The following THSD4 variants were observed in gnomAD, a reference collection of about 807,000 sequenced individuals.
The protein encoded by THSD4 is thrombospondin type 1 domain containing 4, also known as thrombospondin type-1 domain-containing protein 4.
In THSD4, 69 loss-of-function variants were observed where a neutral mutation model predicts 119.0. That is an observed-to-expected ratio of 0.58 (90% confidence interval 0.48 to 0.71). THSD4 has a LOEUF of 0.71. Among genes scored for constraint, THSD4 ranks in the 30% least tolerant of loss-of-function variants. THSD4 has a pLI of 0.00. For missense variants in THSD4, 1,393 were observed against 1,391.1 expected, an observed-to-expected ratio of 1.00 and a Z score of -0.02; for synonymous variants, 524 against 540.4, an observed-to-expected ratio of 0.97 and a Z score of 0.42.
chr15:71,213,709 A>G (rs4777343), intron 3 of THSD4, among the ~76,000 whole-genome samples: 150,810 of 152,284 alleles, frequency 0.99, 74,699 homozygotes, highest in East Asian at 1. Flanking sequence ...AAATGAGGGT[A>G]TAGATCACTC....
At chr15:71,405,068 T>C (rs2046587613) in intron 6 of THSD4, among the ~76,000 whole-genome samples, 1 of 152,132 alleles carries the variant, frequency 6.6e-6, no homozygotes, top group South Asian at 2.1e-4. Flanking sequence ...TTTGTATTTT[T>C]AGTAGAGATG....
chr15:71,209,108 G>A (rs1357567233), intron 3 of THSD4, among the ~76,000 whole-genome samples: 5 of 152,210 alleles, frequency 3.3e-5, no homozygotes, highest in East Asian at 1.9e-4. Context: ...CCAGTGAAGC[G>A]GAGAGAGCAC....
intron 3 of THSD4, among the ~76,000 whole-genome samples, chr15:71,158,664 T>G (rs1021093488): frequency 6.6e-5 from 10 of 151,994 alleles, no homozygotes; most frequent in Admixed American, 6.6e-5. Context: ...TTTTTTTTTT[T>G]GATGTTGAGT....
At chr15:71,301,053 A>C (rs2044941577) in intron 6 of THSD4, among the ~76,000 whole-genome samples, 1 of 152,168 alleles carries the variant, frequency 6.6e-6, no homozygotes. Flanking sequence ...GGACAAGGGA[A>C]ATTTCTCTGC....
In THSD4 at chr15:71,368,255, GTTTC is replaced by G. The variant is rs2045993733; in HGVS notation, c.1016-43428_1016-43425del. Among the ~76,000 whole-genome samples, 5 of 152,284 alleles carry G rather than the reference GTTTC, an allele frequency of 3.3e-5. No homozygotes were observed. In the South Asian group the frequency reaches 1.0e-3, roughly 32 times the overall value. On this transcript the variant is annotated intron_variant, in intron 6 of 17. Coordinates refer to ENST00000261862, the MANE Select transcript of THSD4 (RefSeq NM_024817.3). ...AGGTTGCCTGTTCACTCTGATGGTT[GTTTC>G]TTTTGCTGTGCAGAAGCTCTTTAGT...
chr15:71,204,724 C>T (rs2043830073), intron 3 of THSD4, among the ~76,000 whole-genome samples: 1 of 152,130 alleles, frequency 6.6e-6, no homozygotes, highest in Admixed American at 6.6e-5. Context: ...TTCTACATTT[C>T]CTGTTTGCTG....
At chr15:71,430,758 A>AG (rs1275443219) in intron 7 of THSD4, among the ~76,000 whole-genome samples, 14 of 90,468 alleles carry the variant, frequency 1.5e-4, no homozygotes, top group African/African-American at 5.7e-4. Flanking sequence ...CTCTGTCTCA[A>AG]GAAAAAAAAA....
intron 7 of THSD4, among the ~76,000 whole-genome samples, chr15:71,506,158 T>C (rs1042127128): frequency 2.0e-5 from 3 of 152,234 alleles, no homozygotes; most frequent in Non-Finnish European, 4.4e-5. Context: ...CTGCTGAGTT[T>C]ATGGCCATGT....
At chr15:71,650,478 G>A (rs932562335) in intron 7 of THSD4, among the ~76,000 whole-genome samples, 11 of 152,056 alleles carry the variant, frequency 7.2e-5, no homozygotes, top group African/African-American at 2.2e-4. Flanking sequence ...GTAACAGGGG[G>A]CCAGAGAAAA....
chr15:71,307,147 T>C (rs1236670290), intron 6 of THSD4, among the ~76,000 whole-genome samples: 1 of 152,208 alleles, frequency 6.6e-6, no homozygotes, highest in Non-Finnish European at 1.5e-5. Flanking sequence ...TCTTCTTGAC[T>C]GACACCCCAA....
intron 6 of THSD4, among the ~76,000 whole-genome samples, chr15:71,316,564 A>C (rs2140355694): frequency 1.3e-5 from 2 of 152,220 alleles, no homozygotes; most frequent in South Asian, 4.1e-4. Context: ...AATATACTAC[A>C]CACCAACCTA....
At chr15:71,762,198 C>A (rs978303806) in intron 15 of THSD4, among the ~76,000 whole-genome samples, 2 of 150,798 alleles carry the variant, frequency 1.3e-5, no homozygotes, top group Non-Finnish European at 2.9e-5. Context: ...GATACACACA[C>A]ATGAACACAT....
intron 11 of THSD4, among the ~76,000 whole-genome samples, chr15:71,742,520 A>G (rs968488608): frequency 1.3e-5 from 2 of 152,182 alleles, no homozygotes; most frequent in Non-Finnish European, 2.9e-5. Flanking sequence ...TCAACATGAC[A>G]TATTTCTATT....
chr15:71,379,325 AG>A (rs2046194588), intron 6 of THSD4, among the ~76,000 whole-genome samples: 1 of 151,906 alleles, frequency 6.6e-6, no homozygotes, highest in South Asian at 2.1e-4. Flanking sequence ...GTTTTCTTAT[AG>A]TCAGCTGTTG....
chr15:71,563,566 C>T (rs1400700145), intron 7 of THSD4, among the ~76,000 whole-genome samples: 2 of 152,066 alleles, frequency 1.3e-5, no homozygotes, highest in African/African-American at 4.8e-5. Flanking sequence ...CCAAATAACA[C>T]TTAATCATTT....
intron 7 of THSD4, among the ~76,000 whole-genome samples, chr15:71,549,187 T>G (rs567045431): frequency 6.6e-6 from 1 of 152,354 alleles, no homozygotes; most frequent in East Asian, 1.9e-4. Context: ...TTTTGTCTTA[T>G]GAGTTAAAAG....
Position 71,251,724 on chromosome 15 carries a change from G to A in THSD4, c.913-4889G>A, listed in dbSNP as rs144118112. Among the ~76,000 whole-genome samples the A allele has an allele frequency of 5.6e-3, 857 of 152,240 alleles. 3 individuals are homozygous for A. Among genetic ancestry groups the A allele is most frequent in the African/African-American group, 0.02 (819 of 41,542 alleles). On this transcript the variant is annotated intron_variant, in intron 5 of 17. Coordinates refer to ENST00000261862, the MANE Select transcript of THSD4 (RefSeq NM_024817.3). ...CGCTACATTGGAGATGATGCTGTCC[G>A]TCTCCTGGGGAGATGACAGTAATTA...
At chr15:71,502,308 T>C (rs140486456) in intron 7 of THSD4, among the ~76,000 whole-genome samples, 6 of 152,276 alleles carry the variant, frequency 3.9e-5, no homozygotes, top group Non-Finnish European at 7.4e-5. Context: ...TCAACACTTA[T>C]CATGTGCTAT....
At chr15:71,495,490 A>T (rs953863727) in intron 7 of THSD4, among the ~76,000 whole-genome samples, 6 of 152,152 alleles carry the variant, frequency 3.9e-5, no homozygotes, top group Non-Finnish European at 7.3e-5. Flanking sequence ...CTGAAATAGG[A>T]TACTAAAAGT....
Sources: gnomAD v4.1 joint callset for allele counts (sites outside exome capture counted in the v4.1 genomes callset) on GRCh38, gnomAD v4.1.1 for gene constraint, MANE v1.5 for transcripts, NCBI Gene and HGNC (gene_info 2026-07-23, HGNC 2026-07-21) for gene names.